The following RPL3L variants were observed in gnomAD, a reference collection of about 807,000 sequenced individuals.
The protein encoded by RPL3L is ribosomal protein L3 like.
Under a neutral mutation model 44.5 loss-of-function variants are expected in RPL3L, and 44 were observed. The ratio of observed to expected loss-of-function variants is 0.99; its 90% CI spans 0.78 to 1.27. RPL3L has a LOEUF of 1.27. Among genes scored for constraint, RPL3L ranks in the 50% most tolerant of loss-of-function variants. RPL3L has a pLI of 0.00. For synonymous variants in RPL3L, 292 were observed against 230.7 expected (o/e 1.27, Z -2.41); for missense variants, 631 against 569.1 (o/e 1.11, Z -1.11).
chr16:1,947,938 ATTTTTTT>A (rs1158555053), intron 4 of RPL3L, among the ~76,000 whole-genome samples: 15 of 109,998 alleles, frequency 1.4e-4, no homozygotes, highest in African/African-American at 5.0e-4. Context: ...ATCTGATTGG[ATTTTTTT>A]TTTTTTTTTT....
At chr16:1,945,182 C>T (rs1008763577) in intron 9 of RPL3L, among the ~76,000 whole-genome samples, 15 of 151,926 alleles carry the variant, frequency 9.9e-5, no homozygotes, top group African/African-American at 3.4e-4. Flanking sequence ...GATGAAACCC[C>T]ATCCCTACTA....
rs535100026 is a variant in RPL3L at position 1,952,785 on chromosome 16, C to T, written c.365+89G>A. 2.7e-3 allele frequency: 4,026 copies of T among 1,484,186 alleles called. 32 individuals are homozygous for T. Among genetic ancestry groups the T allele is most frequent in the South Asian group, 0.014 (1,206 of 83,472 alleles). The allele number at this position is 1,484,186 out of a possible 1,614,324, so 91.9% of individuals were successfully genotyped here. A position where few individuals can be genotyped will look rare whatever the true frequency, so the allele number is the denominator to read the frequency against. On this transcript the variant is annotated intron_variant, in intron 3 of 9. Transcript: ENST00000268661. Reference sequence around the variant, plus strand: ...GACTTCGCTTCCTACTCACCCACACCTATCATTTCAGCAAGAGCTAGAGCC... The same window carrying T: ...GACTTCGCTTCCTACTCACCCACACTTATCATTTCAGCAAGAGCTAGAGCC...
rs957500106 is a variant in RPL3L at position 1,954,295 on chromosome 16, G to A, written c.4-147C>T. 7 of 946,470 alleles carry A rather than the reference G, an allele frequency of 7.4e-6. No homozygotes were observed. The Admixed American group carries it at 1.7e-4, about 23-fold the overall frequency. 58.6% of individuals were successfully genotyped at this position (946,470 alleles called of 1,614,324 possible). A position where few individuals can be genotyped will look rare whatever the true frequency, so the allele number is the denominator to read the frequency against. On this transcript the variant is annotated intron_variant, in intron 1 of 9. Transcript: ENST00000268661. ...CCTCCCCTGTCTGCCTACAGGAGGGGAGAGGAAGGTTCACCAAGGGGCAGC... is the reference window on the plus strand; with the variant it reads ...CCTCCCCTGTCTGCCTACAGGAGGGAAGAGGAAGGTTCACCAAGGGGCAGC...
intron 7 of RPL3L, among the ~76,000 whole-genome samples, 191 bp downstream of exon 7, chr16:1,946,434 T>C (rs768453696): frequency 6.6e-6 from 1 of 152,250 alleles, no homozygotes; most frequent in Admixed American, 6.5e-5. Flanking sequence ...GTCAAGGTCT[T>C]CTGTCCAGTG....
intron 1 of RPL3L, 85 bp downstream of exon 1, chr16:1,954,544 G>A (rs1054871611): frequency 7.0e-7 from 1 of 1,425,524 alleles, no homozygotes; most frequent in South Asian, 1.3e-5. Context: ...CTGTCCCTCT[G>A]AGGGAGCATC....
Position 1,949,026 on chromosome 16 carries a change from T to G in RPL3L, c.502-1646A>C, listed in dbSNP as rs1246399780. ...GCGCCTGGCTTTTTTTTTTTTTTTT[T>G]GTAGAGATGGGGATCTCCCTATGTT... is the stretch of plus-strand genomic sequence containing the variant. On this transcript the variant is annotated intron_variant, in intron 4 of 9. Transcript: ENST00000268661. Among the ~76,000 whole-genome samples the G allele has an allele frequency of 2.3e-4, 30 of 129,702 alleles. No homozygotes were observed. The South Asian group carries it at 6.5e-3, about 28-fold the overall frequency. 85.1% of individuals were successfully genotyped at this position (129,702 alleles called of 152,430 possible).
chr16:1,944,976 A>G (rs1012930222), intron 9 of RPL3L, 83 bp from the exon 10 acceptor site: 245 of 1,577,770 alleles, frequency 1.6e-4, no homozygotes, highest in Non-Finnish European at 2.0e-4. Flanking sequence ...TAGATCACTC[A>G]GGGCCGGCCC....
Position 1,947,348 on chromosome 16 carries a change from G to A in RPL3L, c.534C>T (p.Ala178=). The change falls in exon 5 of 10, where the codon GCC becomes GCT. Residue 178 remains alanine (A), a synonymous_variant. Transcript: ENST00000268661. ...MKLLPFRQKK[A]HIMEIQLNGG... ...CGTTCAGCTGGATCTCCATGATGTG[G>A]GCCTTCTTCTGCCGGAAGGGCAGCA... 2.5e-6 allele frequency: 4 copies of A among 1,601,476 alleles called. No homozygotes were observed. The highest frequency in any genetic ancestry group is 1.1e-5 in the South Asian group (1 of 90,236).
At position 1,953,980 on chromosome 16, in the gene RPL3L, G is replaced by T; in HGVS notation, c.172C>A (p.Arg58=). The change falls in exon 2 of 10, where the codon CGG becomes AGG. Residue 58 remains arginine (R), a synonymous_variant. Transcript: ENST00000268661. ...CTGAGCCCCGGCCGGTGCACCTCCC[G>T]CAGGGTGTGGGTCATGCCCGCCTTG... ...GYKAGMTHTL[R]EVHRPGLKIS... 6.4e-7 allele frequency: 1 copy of T among 1,567,960 alleles called. No homozygotes were observed. The highest frequency in any genetic ancestry group is 8.7e-7 in the Non-Finnish European group (1 of 1,153,272).
intron 4 of RPL3L, among the ~76,000 whole-genome samples, chr16:1,947,897 G>A (rs568948946): frequency 4.0e-4 from 61 of 151,964 alleles, no homozygotes; most frequent in South Asian, 2.3e-3. Flanking sequence ...TGGGGAGCTC[G>A]GACTTTCTTC....
rs146496566 is a variant in RPL3L at position 1,946,334 on chromosome 16, G to A, written c.951+291C>T. On this transcript the variant is annotated intron_variant, in intron 7 of 9. Coordinates refer to ENST00000268661, the MANE Select transcript of RPL3L (RefSeq NM_005061.3). ...AAGCTGCCTCCAGAGGAGGCTCGGA[G>A]GATGTGGGACGCAGCAGAGATTTCT... 6.8e-3 allele frequency among the ~76,000 whole-genome samples: 1,031 copies of A among 152,348 alleles called. 10 individuals carry two copies. Among genetic ancestry groups the A allele is most frequent in the Non-Finnish European group, 0.012 (810 of 68,022 alleles).
intron 4 of RPL3L, among the ~76,000 whole-genome samples, chr16:1,949,944 A>G (rs1282563589): frequency 1.2e-3 from 25 of 20,250 alleles, no homozygotes; most frequent in South Asian, 4.7e-3. Flanking sequence ...CAGGTATGTA[A>G]GGGGCAGGTA....
chr16:1,947,013 G>T lies in RPL3L; in HGVS notation c.774C>A (p.His258Gln), dbSNP rs773518061. 3 of 1,612,136 alleles carry T rather than the reference G, an allele frequency of 1.9e-6. No homozygotes were observed. The highest frequency in any genetic ancestry group is 2.5e-6 in the Non-Finnish European group (3 of 1,179,714). ...LRKVACIGAWHPARVGCSIAR... is the reference protein window; with the variant it reads ...LRKVACIGAWQPARVGCSIAR... ...CAATGGAGCAGCCCACGCGGGCGGG[G>T]TGCCAGGCGCCAATGCAGGCCACCT... The change falls in exon 6 of 10, where the codon CAC becomes CAA. Residue 258 changes from histidine (H) to glutamine (Q), a missense_variant. Coordinates refer to ENST00000268661, the MANE Select transcript of RPL3L (RefSeq NM_005061.3).
At chr16:1,949,255 T>TTC in intron 4 of RPL3L, among the ~76,000 whole-genome samples, 1 of 102,542 alleles carries the variant, frequency 9.8e-6, no homozygotes, top group African/African-American at 4.0e-5. Flanking sequence ...TTTTTTTTTT[T>TTC]TTTCTTTTTT....
chr16:1,945,879 C>T lies in RPL3L; in HGVS notation c.1003G>A (p.Gly335Ser). The T allele has an allele frequency of 6.2e-7, 1 of 1,613,904 alleles. No individual in the cohort carries two copies. Among genetic ancestry groups the T allele is most frequent in the South Asian group, 1.1e-5 (1 of 91,068 alleles). The change falls in exon 8 of 10, where the codon GGT becomes AGT. Residue 335 changes from glycine (G) to serine (S), a missense_variant. Gly to Ser is a moderately conservative substitution (Grantham distance 56). Transcript: ENST00000268661. ...EVNNDFVMLK[G>S]CIAGTKKRVI... ...CGCTTCTTGGTACCAGCAATACAAC[C>T]CTTCAGCATGACGAAGTCGTTGTTC...
rs767457024 is a variant in RPL3L, at chr16:1,954,092, C to A, written c.60G>T (p.Lys20Asn). The change falls in exon 2 of 10, where the codon AAG (lysine) becomes AAT (asparagine). Residue 20 changes from lysine (K) to asparagine (N), a missense_variant. Coordinates refer to ENST00000268661, the MANE Select transcript of RPL3L (RefSeq NM_005061.3). ...RHGHLGFLPH[K>N]RSHRHRGKVK... ...CCTTGCCCCGGTGCCGGTGGCTCCT[C>A]TTATGGGGCAGGAAGCCCAGGTGTC... 1 of 1,602,950 alleles carries A rather than the reference C, an allele frequency of 6.2e-7. No individual in the cohort carries two copies. The highest frequency in any genetic ancestry group is 8.5e-7 in the Non-Finnish European group (1 of 1,175,852).
chr16:1,948,601 C>G (rs1202009561), intron 4 of RPL3L, among the ~76,000 whole-genome samples: 1 of 152,124 alleles, frequency 6.6e-6, no homozygotes, highest in Non-Finnish European at 1.5e-5. Context: ...GTGGCATGAT[C>G]AAGGCTCACT....
chr16:1,949,246 TTTTTTTTTTTTTC>T (rs2083150253), intron 4 of RPL3L, among the ~76,000 whole-genome samples: 2 of 108,290 alleles, frequency 1.8e-5, no homozygotes, highest in Non-Finnish European at 3.6e-5. Flanking sequence ...TGATTTTTGT[TTTTTTTTTTTTTC>T]TTTTTTTTTT....
At position 1,954,658 on chromosome 16, in the gene RPL3L, G is replaced by A. The variant is rs140252815; in HGVS notation, c.-27C>T. 4.0e-5 allele frequency: 61 copies of A among 1,540,900 alleles called. No homozygotes were observed. The South Asian group carries it at 4.4e-4, about 11-fold the overall frequency. ...GTGGCCGATCCCTGAAGGTCAGGAAGGGGCCTCGCCGCTAGCCGCCAGAGG... is the reference window on the plus strand; with the variant it reads ...GTGGCCGATCCCTGAAGGTCAGGAAAGGGCCTCGCCGCTAGCCGCCAGAGG... On this transcript the variant is annotated 5_prime_UTR_variant, in exon 1 of 10. Coordinates refer to ENST00000268661, the MANE Select transcript of RPL3L (RefSeq NM_005061.3).
Sources: gnomAD v4.1 joint callset for allele counts (sites outside exome capture counted in the v4.1 genomes callset) on GRCh38, gnomAD v4.1.1 for gene constraint, MANE v1.5 for transcripts, NCBI Gene and HGNC (gene_info 2026-07-23, HGNC 2026-07-21) for gene names.